CCDC91: variants seen among roughly 807,000 people sequenced by gnomAD.
CCDC91 encodes the protein coiled-coil domain-containing protein 91.
In CCDC91, 48 loss-of-function variants were observed where a neutral mutation model predicts 63.2. The ratio of observed to expected loss-of-function variants is 0.76; its 90% confidence interval spans 0.60 to 0.97. CCDC91 has a LOEUF of 0.97. CCDC91 is among the 50% of genes least tolerant of loss of function. The pLI is 0.00. For synonymous variants in CCDC91, 167 were observed against 165.8 expected (o/e 1.01, Z -0.06); for missense variants, 500 against 494.6 (o/e 1.01, Z -0.10).
intron 8 of CCDC91, among the ~76,000 whole-genome samples, chr12:28,423,054 CAG>C (rs1948105312): frequency 6.6e-6 from 1 of 151,924 alleles, no homozygotes; most frequent in African/African-American, 2.4e-5. Flanking sequence ...TAAAAGAAAA[CAG>C]AAACTCTAGA....
chr12:28,537,171 T>C, intron 12 of CCDC91, among the ~76,000 whole-genome samples: 1 of 152,186 alleles, frequency 6.6e-6, no homozygotes, highest in East Asian at 1.9e-4. Flanking sequence ...CTGTTTTTTT[T>C]CTTTTTCACT....
At chr12:28,515,201 T>C (rs1236514061) in intron 12 of CCDC91, among the ~76,000 whole-genome samples, 1 of 151,866 alleles carries the variant, frequency 6.6e-6, no homozygotes, top group Non-Finnish European at 1.5e-5. Flanking sequence ...ATTGCTGTTT[T>C]CTTATTTCTT....
chr12:28,202,357 G>C (rs905675263), intron 1 of CCDC91, among the ~76,000 whole-genome samples: 1 of 152,156 alleles, frequency 6.6e-6, no homozygotes, highest in Non-Finnish European at 1.5e-5. Flanking sequence ...TTGAAAATTA[G>C]ATAATTAAAT....
chr12:28,531,264 A>G (rs1289953930), intron 12 of CCDC91, among the ~76,000 whole-genome samples: 1 of 152,220 alleles, frequency 6.6e-6, no homozygotes, highest in African/African-American at 2.4e-5. Context: ...AGTACTTTAA[A>G]TAGATCTAAC....
chr12:28,194,969 C>T (rs1322301729), intron 1 of CCDC91, among the ~76,000 whole-genome samples: 3 of 152,180 alleles, frequency 2.0e-5, no homozygotes, highest in Non-Finnish European at 4.4e-5. Flanking sequence ...GAGTGAGCAG[C>T]AGCAAGATTT....
chr12:28,509,355 T>G (rs118016388), intron 12 of CCDC91, among the ~76,000 whole-genome samples: 11 of 151,860 alleles, frequency 7.2e-5, no homozygotes, highest in Non-Finnish European at 1.3e-4. Context: ...TTCATGGCAT[T>G]GGTCTGGGAT....
intron 7 of CCDC91, among the ~76,000 whole-genome samples, chr12:28,372,113 G>GT (rs2138847974): frequency 6.6e-6 from 1 of 152,116 alleles, no homozygotes; most frequent in East Asian, 1.9e-4. Context: ...CTCAATTTAT[G>GT]TTTTTGTATG....
At chr12:28,420,747 G>T (rs1947954529) in intron 8 of CCDC91, among the ~76,000 whole-genome samples, 1 of 148,944 alleles carries the variant, frequency 6.7e-6, no homozygotes, top group Non-Finnish European at 1.5e-5. Context: ...TTGCAGGTGT[G>T]CATTTTATGG....
intron 12 of CCDC91, among the ~76,000 whole-genome samples, chr12:28,506,102 G>A (rs1938678862): frequency 6.6e-6 from 1 of 152,006 alleles, no homozygotes; most frequent in Non-Finnish European, 1.5e-5. Flanking sequence ...TGATGTGAAT[G>A]TGATACATAG....
At chr12:28,473,024 T>TC (rs1187712010) in intron 11 of CCDC91, among the ~76,000 whole-genome samples, 2 of 152,172 alleles carry the variant, frequency 1.3e-5, no homozygotes, top group Non-Finnish European at 2.9e-5. Flanking sequence ...TGATTATAGT[T>TC]CAAATGACTA....
intron 12 of CCDC91, among the ~76,000 whole-genome samples, chr12:28,493,743 C>A (rs1045351247): frequency 6.6e-6 from 1 of 151,496 alleles, no homozygotes; most frequent in Admixed American, 6.6e-5. Flanking sequence ...TAATAAAATA[C>A]TGAAGGTATC....
chr12:28,278,937 C>T (rs1335669347), intron 3 of CCDC91, among the ~76,000 whole-genome samples: 1 of 151,356 alleles, frequency 6.6e-6, no homozygotes, highest in Non-Finnish European at 1.5e-5. Flanking sequence ...TACATGCATA[C>T]ATATTATATA....
chr12:28,465,786 A>C lies in CCDC91; in HGVS notation c.1101+13132A>C, dbSNP rs561822558. Among the ~76,000 whole-genome samples the C allele has an allele frequency of 1.6e-3, 238 of 152,320 alleles. 2 individuals carry two copies. Among genetic ancestry groups the C allele is most frequent in the African/African-American group, 5.0e-3 (208 of 41,580 alleles). The stretch of plus-strand genomic sequence containing the variant: ...CACAGACAAACATCTGCAAGTATCA[A>C]GATAACCCAGGAAAACATGACCTCC... On this transcript the variant is annotated intron_variant, in intron 11 of 12. Transcript: ENST00000536442.
intron 6 of CCDC91, among the ~76,000 whole-genome samples, chr12:28,311,901 G>A (rs1939367985): frequency 6.6e-6 from 1 of 151,870 alleles, no homozygotes; most frequent in East Asian, 1.9e-4. Context: ...GGATATATGA[G>A]GCTAAAAGAA....
chr12:28,417,695 C>T (rs1035697957), intron 8 of CCDC91, among the ~76,000 whole-genome samples: 2 of 151,144 alleles, frequency 1.3e-5, no homozygotes, highest in Non-Finnish European at 2.9e-5. Flanking sequence ...TTATTAATAA[C>T]GTATCCATCA....
chr12:28,233,099 A>G (rs555846818), intron 1 of CCDC91, among the ~76,000 whole-genome samples: 84 of 152,154 alleles, frequency 5.5e-4, no homozygotes, highest in East Asian at 9.6e-4. Context: ...TGTAATTTAC[A>G]TATATCACAA....
chr12:28,213,070 C>T (rs947508062), intron 1 of CCDC91, among the ~76,000 whole-genome samples: 1 of 152,134 alleles, frequency 6.6e-6, no homozygotes, highest in African/African-American at 2.4e-5. Context: ...GACTTTGAAT[C>T]CCTAAATTCT....
intron 12 of CCDC91, among the ~76,000 whole-genome samples, chr12:28,497,830 C>T (rs571471487): frequency 6.6e-6 from 1 of 151,508 alleles, no homozygotes; most frequent in Non-Finnish European, 1.5e-5. Context: ...AACTTTATGG[C>T]TTAGTATTTC....
chr12:28,260,810 A>G (rs974560512), intron 3 of CCDC91, among the ~76,000 whole-genome samples: 8 of 151,992 alleles, frequency 5.3e-5, no homozygotes, highest in African/African-American at 1.4e-4. Flanking sequence ...ACAGATTAGC[A>G]TGGCATTGGA....
Sources: gnomAD v4.1 joint callset for allele counts (sites outside exome capture counted in the v4.1 genomes callset) on GRCh38, gnomAD v4.1.1 for gene constraint, MANE v1.5 for transcripts, NCBI Gene and HGNC (gene_info 2026-07-23, HGNC 2026-07-21) for gene names.